SKI: variants seen among roughly 807,000 people sequenced by gnomAD.
SKI encodes SKI proto-oncogene.
SKI carries 23 observed loss-of-function variants against 59.3 expected under a neutral mutation model. The observed-to-expected ratio is 0.39, with a 90% CI of 0.28 to 0.55. The LOEUF (loss-of-function observed/expected upper bound fraction) is 0.55. Among genes scored for constraint, SKI ranks in the 20% least tolerant of loss-of-function variants. The probability of loss-of-function intolerance (pLI) is 0.67; values close to 1 mark genes in which losing one functional copy is unlikely to be tolerated. For synonymous variants in SKI, 673 were observed against 488.6 expected (o/e 1.38, Z -4.98); for missense variants, 1,017 against 1,038.9 (o/e 0.98, Z 0.29).
chr1:2,290,750 G>T (rs531918906), intron 1 of SKI, among the ~76,000 whole-genome samples: 239 of 152,318 alleles, frequency 1.6e-3, no homozygotes, highest in African/African-American at 5.4e-3. Context: ...TTGGGTGAGG[G>T]TTGGGCTTGC....
At chr1:2,297,532 A>G (rs772028333) in intron 1 of SKI, among the ~76,000 whole-genome samples, 13 of 152,212 alleles carry the variant, frequency 8.5e-5, no homozygotes, top group Non-Finnish European at 1.5e-4. Context: ...CCAGGGTTGC[A>G]CCACCATGTG....
chr1:2,295,686 A>C (rs1640268216), intron 1 of SKI, among the ~76,000 whole-genome samples: 1 of 150,520 alleles, frequency 6.6e-6, no homozygotes, highest in African/African-American at 2.5e-5. Flanking sequence ...TGTCCGGGTC[A>C]CACGTGACTG....
intron 1 of SKI, among the ~76,000 whole-genome samples, chr1:2,246,600 G>A (rs1639002094): frequency 6.6e-6 from 1 of 152,132 alleles, no homozygotes; most frequent in East Asian, 1.9e-4. Flanking sequence ...GGTGTGCAGC[G>A]CTGTCTGCAA....
chr1:2,283,195 G>A (rs767992535), intron 1 of SKI, among the ~76,000 whole-genome samples: 8 of 152,220 alleles, frequency 5.3e-5, no homozygotes, highest in African/African-American at 7.2e-5. Flanking sequence ...CGAGGGTGCC[G>A]GTGCGCCCCT....
chr1:2,300,560 T>C (rs1261314540), intron 1 of SKI, among the ~76,000 whole-genome samples: 2 of 152,246 alleles, frequency 1.3e-5, no homozygotes, highest in Admixed American at 6.5e-5. Flanking sequence ...GGCTGTCTGC[T>C]TCCTGGGGCT....
Position 2,303,110 on chromosome 1 carries a change from T to C in SKI, c.1095+7T>C, listed in dbSNP as rs767010224. ...GGCCGGCTCTTCCAATAAGGTGCTG[T>C]GGGGCCTGTCGGGGTCCTTGGGGTG... On this transcript the variant is annotated splice_region_variant and intron_variant, in intron 2 of 6. Coordinates refer to ENST00000378536, the MANE Select transcript of SKI (RefSeq NM_003036.4). This position sits in a 1 kb window ranked among gnomAD's most constrained non-coding sequence, Gnocchi z 5.6. 4 of 1,613,190 alleles carry C rather than the reference T, an allele frequency of 2.5e-6. No homozygotes were observed. In the South Asian group the frequency reaches 4.4e-5, roughly 18 times the overall value.
chr1:2,271,956 C>T (rs188164307), intron 1 of SKI, among the ~76,000 whole-genome samples: 45 of 152,290 alleles, frequency 3.0e-4, no homozygotes, highest in Admixed American at 2.0e-3. Context: ...AGAGACACTC[C>T]GGGCCACTGG....
At chr1:2,246,647 G>A (rs1452778510) in intron 1 of SKI, among the ~76,000 whole-genome samples, 1 of 152,158 alleles carries the variant, frequency 6.6e-6, no homozygotes, top group Non-Finnish European at 1.5e-5. Flanking sequence ...CGAGCTGGGC[G>A]GGGGCTCTGC....
intron 1 of SKI, among the ~76,000 whole-genome samples, chr1:2,236,040 C>T (rs1638743949): frequency 1.3e-5 from 2 of 152,226 alleles, no homozygotes; most frequent in Admixed American, 6.5e-5. Flanking sequence ...TCTGATTTTA[C>T]CTTTTTGACT....
chr1:2,232,176 C>T (rs564156853), intron 1 of SKI, among the ~76,000 whole-genome samples: 87 of 152,366 alleles, frequency 5.7e-4, no homozygotes, highest in Admixed American at 2.1e-3. Flanking sequence ...TTCTTCACTT[C>T]CTTTGTAGCT....
chr1:2,301,462 C>T (rs1197382085), intron 1 of SKI, among the ~76,000 whole-genome samples: 22 of 151,898 alleles, frequency 1.4e-4, no homozygotes, highest in Admixed American at 1.3e-3. Context: ...GAGCCAGGCA[C>T]CTGCCCCTCC....
chr1:2,273,895 C>T (rs1054800370), intron 1 of SKI, among the ~76,000 whole-genome samples: 5 of 152,046 alleles, frequency 3.3e-5, no homozygotes, highest in African/African-American at 9.7e-5. Context: ...GATGCCTCTC[C>T]GCCCACCACC....
rs1639542484 is a variant in SKI at position 2,268,313 on chromosome 1, C to T, written c.970-34665C>T. Among the ~76,000 whole-genome samples, 1 of 152,186 alleles carries T rather than the reference C, an allele frequency of 6.6e-6. No homozygotes were observed. Among genetic ancestry groups the T allele is most frequent in the African/African-American group, 2.4e-5 (1 of 41,452 alleles). On this transcript the variant is annotated intron_variant, in intron 1 of 6. Coordinates refer to ENST00000378536, the MANE Select transcript of SKI (RefSeq NM_003036.4). This position sits in a 1 kb window ranked among gnomAD's most constrained non-coding sequence, Gnocchi z 5.0. ...AGGTGTCTCAGAGGGCTCAGGGCTC[C>T]TGGTAGGGTTTGGGTGGGCTGAACC...
intron 1 of SKI, among the ~76,000 whole-genome samples, chr1:2,291,834 G>A (rs896692890): frequency 1.3e-5 from 2 of 152,236 alleles, no homozygotes. Flanking sequence ...TAACAGCAAA[G>A]ATGACCTACT....
At chr1:2,247,026 G>C (rs1473380466) in intron 1 of SKI, among the ~76,000 whole-genome samples, 1 of 152,216 alleles carries the variant, frequency 6.6e-6, no homozygotes, top group Non-Finnish European at 1.5e-5. Flanking sequence ...TTCAAGACCA[G>C]CCTGGCCAAT....
At chr1:2,297,610 C>T (rs145805712) in intron 1 of SKI, among the ~76,000 whole-genome samples, 1 of 152,356 alleles carries the variant, frequency 6.6e-6, no homozygotes, top group Non-Finnish European at 1.5e-5. Flanking sequence ...ACAGCGTTGC[C>T]TATTGGTGGC....
intron 1 of SKI, among the ~76,000 whole-genome samples, chr1:2,247,571 G>C (rs929287083): frequency 6.6e-6 from 1 of 152,242 alleles, no homozygotes; most frequent in Non-Finnish European, 1.5e-5. Context: ...GGGGCAAGGG[G>C]CCATTCTCTG....
At chr1:2,240,492 TGGGTGGTGGC>T (rs1638846658) in intron 1 of SKI, 1 of 985,176 alleles carries the variant, frequency 1.0e-6, no homozygotes, top group Non-Finnish European at 1.2e-6. Context: ...GGAGGTCCCG[TGGGTGGTGGC>T]GGGTGGTGGC....
chr1:2,291,005 C>T (rs1230731763), intron 1 of SKI, among the ~76,000 whole-genome samples: 1 of 152,222 alleles, frequency 6.6e-6, no homozygotes, highest in East Asian at 1.9e-4. Flanking sequence ...GCCAGGCGGC[C>T]ATTACGGGCC....
Sources: gnomAD v4.1 joint callset for allele counts (sites outside exome capture counted in the v4.1 genomes callset) on GRCh38, gnomAD v4.1.1 for gene constraint, Gnocchi (gnomAD v3.1) non-coding constraint, MANE v1.5 for transcripts, NCBI Gene and HGNC (gene_info 2026-07-23, HGNC 2026-07-21) for gene names.